Variants in APOBEC3G observed in about 807,000 individuals in gnomAD.
The protein encoded by APOBEC3G is DNA dC->dU-editing enzyme APOBEC-3G.
In APOBEC3G, 44 loss-of-function variants were observed where a neutral mutation model predicts 50.0. The ratio of observed to expected loss-of-function variants is 0.88; its 90% confidence interval spans 0.69 to 1.13. The LOEUF is 1.13. Ranked by LOEUF, APOBEC3G falls within the 50% of genes most tolerant of loss-of-function variation. APOBEC3G has a pLI of 0.00. For missense variants in APOBEC3G, 469 were observed against 492.0 expected (o/e 0.95, Z 0.44); for synonymous variants, 156 against 175.3 (o/e 0.89, Z 0.87).
chr22:39,084,515 G>T (rs1261352340), intron 5 of APOBEC3G, among the ~76,000 whole-genome samples: 1 of 135,528 alleles, frequency 7.4e-6, no homozygotes, highest in East Asian at 2.4e-4. Flanking sequence ...AACAGAGCGA[G>T]ACTCCGTCTC....
rs756936602 is a variant in APOBEC3G at position 39,087,064 on chromosome 22, C to T, written c.1078C>T (p.Pro360Ser). 6.8e-6 allele frequency: 11 copies of T among 1,613,524 alleles called. No homozygotes were observed. Among genetic ancestry groups the T allele is most frequent in the Admixed American group, 1.7e-5 (1 of 59,980 alleles). ...GGACCACCAGGGATGTCCCTTCCAGCCCTGGGATGGACTAGATGAGCACAG... is the reference window on the plus strand; with the variant it reads ...GGACCACCAGGGATGTCCCTTCCAGTCCTGGGATGGACTAGATGAGCACAG... The part of the protein sequence containing the change: ...FVDHQGCPFQ[P>S]WDGLDEHSQD... Residue 360 changes from proline to serine, a missense_variant, in exon 7 of 8, where the codon CCC becomes TCC. Physicochemically the swap from Pro to Ser is moderately conservative, Grantham distance 74 (BLOSUM62 -1). Coordinates refer to ENST00000407997, the MANE Select transcript of APOBEC3G (RefSeq NM_021822.4).
chr22:39,086,760 C>G (rs545819088), intron 6 of APOBEC3G, among the ~76,000 whole-genome samples, 193 bp downstream of exon 6: 4 of 152,072 alleles, frequency 2.6e-5, no homozygotes, highest in African/African-American at 9.6e-5. Context: ...GAGATGTGGA[C>G]CTGGGGAGGG....
chr22:39,087,091 C>T lies in APOBEC3G; in HGVS notation c.1105C>T (p.Gln369Ter), dbSNP rs573300046. 1.9e-6 allele frequency: 3 copies of T among 1,613,934 alleles called. No individual in the cohort carries two copies. The highest frequency in any genetic ancestry group is 2.5e-6 in the Non-Finnish European group (3 of 1,180,014). ...QPWDGLDEHS[Q>*]DLSGRLRAIL... ...CTGGGATGGACTAGATGAGCACAGC[C>T]AAGACCTGAGTGGGAGGCTGCGGGC... The change falls in exon 7 of 8, where the codon CAA becomes TAA. Residue 369 changes from glutamine to a stop codon, truncating the protein, a stop_gained. Coordinates refer to ENST00000407997, the MANE Select transcript of APOBEC3G (RefSeq NM_021822.4). LOFTEE classifies it low-confidence loss of function (END_TRUNC).
At position 39,087,648 on chromosome 22, in the gene APOBEC3G, T is replaced by G; in HGVS notation, c.*227T>G. ...CAAGAATAAAGTACTAAGATTGTGC[T>G]CAATACACAGAAAAGTTTCAAACCT... On this transcript the variant is annotated 3_prime_UTR_variant, in exon 8 of 8. Transcript: ENST00000407997. 1.1e-6 allele frequency: 1 copy of G among 881,746 alleles called. No individual in the cohort carries two copies. Among genetic ancestry groups the G allele is most frequent in the Non-Finnish European group, 1.7e-6 (1 of 598,708 alleles). The allele number at this position is 881,746 out of a possible 1,614,324, so 54.6% of individuals were successfully genotyped here. A position where few individuals can be genotyped will look rare whatever the true frequency, so the allele number is the denominator to read the frequency against.
chr22:39,078,947 A>T lies in APOBEC3G; in HGVS notation c.33A>T (p.Arg11=), dbSNP rs1171902950. The T allele has an allele frequency of 6.2e-7, 1 of 1,614,034 alleles. No homozygotes were observed. Among genetic ancestry groups the T allele is most frequent in the Non-Finnish European group, 8.5e-7 (1 of 1,179,928 alleles). Residue 11 remains arginine, a synonymous_variant, in exon 2 of 8, where the codon CGA becomes CGT. Coordinates refer to ENST00000407997, the MANE Select transcript of APOBEC3G (RefSeq NM_021822.4). The part of the protein sequence containing the change: MKPHFRNTVE[R]MYRDTFSYNF... ...GTGTCTTCAGAAACACAGTGGAGCG[A>T]ATGTATCGAGACACATTCTCCTACA...
intron 2 of APOBEC3G, chr22:39,079,354 G>A (rs1928326369): frequency 7.6e-6 from 3 of 396,096 alleles, no homozygotes; most frequent in Admixed American, 8.8e-5. Flanking sequence ...TTTCACTCTT[G>A]TTGCTCAGGC....
At chr22:39,087,310 CTCCTCTCCGATCAT>C (rs1264307819) in intron 7 of APOBEC3G, 83 bp from the exon 8 acceptor site, 43 of 1,602,236 alleles carry the variant, frequency 2.7e-5, no homozygotes, top group Non-Finnish European at 3.6e-5. Context: ...ACATCCCTCC[CTCCTCTCCGATCAT>C]TGTCACTGTC....
At chr22:39,078,731 A>G in intron 1 of APOBEC3G, 6 of 604,774 alleles carry the variant, frequency 9.9e-6, no homozygotes, top group South Asian at 2.8e-5. Context: ...TTTTTTTTTG[A>G]GACGGAATTT....
At position 39,081,107 on chromosome 22, in the gene APOBEC3G, C is replaced by T. The variant is rs773092964; in HGVS notation, c.346C>T (p.Leu116=). 1 of 1,614,232 alleles carries T rather than the reference C, an allele frequency of 6.2e-7. No individual in the cohort carries two copies. The highest frequency in any genetic ancestry group is 8.5e-7 in the Non-Finnish European group (1 of 1,180,038). ...TFLAEDPKVT[L]TIFVARLYYF... ...CCTGGCCGAGGACCCGAAGGTTACC[C>T]TGACCATCTTTGTTGCCCGCCTCTA... Residue 116 remains leucine, a synonymous_variant, in exon 3 of 8, where the codon CTG becomes TTG. Transcript: ENST00000407997.
At chr22:39,078,718 C>G in intron 1 of APOBEC3G, 1 of 592,374 alleles carries the variant, frequency 1.7e-6, no homozygotes, top group Non-Finnish European at 2.8e-6. Flanking sequence ...GTCTCTCTCT[C>G]TCTTTTTTTT....
rs1455572116 is a variant in APOBEC3G, at chr22:39,087,438, T to C, written c.*17T>C. 2 of 1,613,836 alleles carry C rather than the reference T, an allele frequency of 1.2e-6. No individual in the cohort carries two copies. The highest frequency in any genetic ancestry group is 1.7e-6 in the Non-Finnish European group (2 of 1,179,882). ...GAAAACTGAAGGATGGGCCTCAGTC[T>C]CTAAGGAAGGCAGAGACCTGGGTTG... is the stretch of plus-strand genomic sequence containing the variant. On this transcript the variant is annotated 3_prime_UTR_variant, in exon 8 of 8. Coordinates refer to ENST00000407997, the MANE Select transcript of APOBEC3G (RefSeq NM_021822.4).
chr22:39,078,699 T>C, intron 1 of APOBEC3G: 1 of 529,360 alleles, frequency 1.9e-6, no homozygotes, highest in South Asian at 3.1e-5. Flanking sequence ...GGGTGAAGAG[T>C]TTTATTCTGT....
intron 4 of APOBEC3G, among the ~76,000 whole-genome samples, chr22:39,083,418 C>T (rs1047159410): frequency 2.6e-5 from 4 of 152,118 alleles, no homozygotes; most frequent in Admixed American, 2.6e-4. Flanking sequence ...ATGGTGAGGC[C>T]AGGGAAGAAG....
Position 39,087,389 on chromosome 22 carries a change from A to T in APOBEC3G, c.1141-18A>T. On this transcript the variant is annotated intron_variant, in intron 7 of 7. Coordinates refer to ENST00000407997, the MANE Select transcript of APOBEC3G (RefSeq NM_021822.4). ...ACTCGCTCACCCTTTGCTCCATTCAACCTCCCTGCTCTTCCAGAATCAGGA... is the reference window on the plus strand; with the variant it reads ...ACTCGCTCACCCTTTGCTCCATTCATCCTCCCTGCTCTTCCAGAATCAGGA... The T allele has an allele frequency of 1.9e-6, 3 of 1,613,318 alleles. No individual in the cohort carries two copies. The highest frequency in any genetic ancestry group is 2.5e-6 in the Non-Finnish European group (3 of 1,179,844).
intron 5 of APOBEC3G, 52 bp downstream of exon 5, chr22:39,083,936 A>T (rs1928588473): frequency 1.3e-6 from 2 of 1,586,910 alleles, no homozygotes; most frequent in Non-Finnish European, 1.7e-6. Flanking sequence ...ACCCAGGGAC[A>T]CCCATGGGCA....
intron 1 of APOBEC3G, chr22:39,078,593 C>T (rs1731417737): frequency 4.6e-6 from 1 of 215,322 alleles, no homozygotes; most frequent in Admixed American, 5.4e-5. Flanking sequence ...TGGCCTGGGC[C>T]TCAGAATTCG....
At chr22:39,077,519 T>A in intron 1 of APOBEC3G, 141 bp downstream of exon 1, 3 of 1,433,930 alleles carry the variant, frequency 2.1e-6, no homozygotes, top group Non-Finnish European at 2.8e-6. Context: ...CACCCCCTAC[T>A]CCCAGCCAGG....
upstream of APOBEC3G, chr22:39,077,029 T>A (rs1928180123): frequency 4.2e-6 from 2 of 479,316 alleles, no homozygotes; most frequent in South Asian, 4.6e-5. Flanking sequence ...CAGCCTGGTG[T>A]GGACCCACCT....
Position 39,087,468 on chromosome 22 carries a change from T to G in APOBEC3G, c.*47T>G, listed in dbSNP as rs1332893322. 2.5e-6 allele frequency: 4 copies of G among 1,613,824 alleles called. No individual in the cohort carries two copies. The highest frequency in any genetic ancestry group is 3.4e-6 in the Non-Finnish European group (4 of 1,179,782). ...GGAAGGCAGAGACCTGGGTTGAGCC[T>G]CAGAATAAAAGATCTTCTTCCAAGA... On this transcript the variant is annotated 3_prime_UTR_variant, in exon 8 of 8. Coordinates refer to ENST00000407997, the MANE Select transcript of APOBEC3G (RefSeq NM_021822.4).
Sources: allele counts gnomAD v4.1 joint callset (sites outside exome capture counted in the v4.1 genomes callset), GRCh38; gene constraint gnomAD v4.1.1; transcripts MANE v1.5; gene names NCBI Gene and HGNC (gene_info 2026-07-23, HGNC 2026-07-21).